The following PEX12 variants were observed in gnomAD, a reference collection of about 807,000 sequenced individuals.
PEX12 encodes the protein peroxisome assembly protein 12.
PEX12 carries 31 observed loss-of-function variants against 32.5 expected under a neutral mutation model. That is an observed-to-expected ratio of 0.95 (90% CI 0.72 to 1.29). The LOEUF (loss-of-function observed/expected upper bound fraction) is 1.29, where lower values mean the gene tolerates loss of function less well. Among genes scored for constraint, PEX12 ranks in the 50% most tolerant of loss-of-function variants. The pLI, the probability that PEX12 is intolerant of heterozygous loss-of-function variation, is 0.00. For missense variants in PEX12, 359 were observed against 419.0 expected (o/e 0.86, Z 1.25); for synonymous variants, 148 against 157.2 (o/e 0.94, Z 0.44).
Position 35,575,841 on chromosome 17 carries a change from T to C in PEX12, c.1021A>G (p.Ile341Val), listed in dbSNP as rs772028045. The change falls in exon 3 of 3, where the codon ATC becomes GTC. Residue 341 changes from isoleucine to valine, a missense_variant. By Grantham distance (29) the Ile-to-Val change is conservative. Coordinates refer to ENST00000225873, the MANE Select transcript of PEX12 (RefSeq NM_000286.3). ...TGTACTTCTGTTGGATAACCTGTGA[T>C]GGGACAAGCTTGGTGACTCCTCACA... ...HYVRSHQACP[I>V]TGYPTEVQHL... The C allele has an allele frequency of 2.5e-6, 4 of 1,614,132 alleles. No individual in the cohort carries two copies. The highest frequency in any genetic ancestry group is 1.1e-5 in the South Asian group (1 of 91,078).
Position 35,578,482 on chromosome 17 carries a change from C to A in PEX12, c.-461G>T. 3.9e-6 allele frequency: 1 copy of A among 257,064 alleles called. No individual in the cohort carries two copies. The highest frequency in any genetic ancestry group is 7.8e-6 in the Non-Finnish European group (1 of 128,248). 15.9% of individuals were successfully genotyped at this position (257,064 alleles called of 1,614,324 possible). A position where few individuals can be genotyped will look rare whatever the true frequency, so the allele number is the denominator to read the frequency against. The stretch of plus-strand genomic sequence containing the variant: ...ACTCCAGCTGTTGGCTTTGAGTATC[C>A]CCGCCCGCGCCCGTCCTTGCTCGCT... On this transcript the variant is annotated 5_prime_UTR_variant, in exon 1 of 3. Coordinates refer to ENST00000225873, the MANE Select transcript of PEX12 (RefSeq NM_000286.3).
chr17:35,577,407 G>GCCAATCTCTGAGACTTGTGAGTGTCCC lies in PEX12; in HGVS notation c.284_310dup (p.Gly95_Leu103dup). ...CTGCTGCTTTGGGAGACCAGCACTA[G>GCCAATCTCTGAGACTTGTGAGTGTCCC]CCAATCTCTGAGACTTGTGAGTGTC... On this transcript the variant is annotated inframe_insertion, in exon 2 of 3. Coordinates refer to ENST00000225873, the MANE Select transcript of PEX12 (RefSeq NM_000286.3). 3 of 1,614,014 alleles carry GCCAATCTCTGAGACTTGTGAGTGTCCC rather than the reference G, an allele frequency of 1.9e-6. No homozygotes were observed.
chr17:35,575,598 T>C lies in PEX12; in HGVS notation c.*184A>G. 1.5e-6 allele frequency: 1 copy of C among 663,198 alleles called. No homozygotes were observed. The allele number at this position is 663,198 out of a possible 1,614,324, so 41.1% of individuals were successfully genotyped here. The stretch of plus-strand genomic sequence containing the variant: ...GCTTGGTCAACTGTAAGTAGGGTTC[T>C]AGAGAGCAGGCTAAAAGGTTAGGAT... On this transcript the variant is annotated 3_prime_UTR_variant, in exon 3 of 3. Coordinates refer to ENST00000225873, the MANE Select transcript of PEX12 (RefSeq NM_000286.3).
chr17:35,576,523 ACT>A (rs2072786507), intron 2 of PEX12, among the ~76,000 whole-genome samples: 1 of 152,056 alleles, frequency 6.6e-6, no homozygotes, highest in Non-Finnish European at 1.5e-5. Context: ...TTAATAAAAA[ACT>A]TAGCAGTATT....
Position 35,576,102 on chromosome 17 carries a change from C to G in PEX12, c.760G>C (p.Gly254Arg), listed in dbSNP as rs768447498. 6.2e-7 allele frequency: 1 copy of G among 1,614,058 alleles called. No homozygotes were observed. The highest frequency in any genetic ancestry group is 8.5e-7 in the Non-Finnish European group (1 of 1,180,012). ...TCAAGGAACTGCAAGAAGAATACACCCACAGAAAGGCCAGTAGACAGGGAT... is the reference window on the plus strand; with the variant it reads ...TCAAGGAACTGCAAGAAGAATACACGCACAGAAAGGCCAGTAGACAGGGAT... ...ALSLSTGLSV[G>R]VFFLQFLDWW... The change falls in exon 3 of 3, where the codon GGT (glycine) becomes CGT (arginine). Residue 254 changes from glycine to arginine, a missense_variant. By Grantham distance (125) the Gly-to-Arg change is moderately radical. Transcript: ENST00000225873.
chr17:35,578,354 C>T lies in PEX12; in HGVS notation c.-333G>A. The T allele has an allele frequency of 2.8e-6, 1 of 358,046 alleles. No individual in the cohort carries two copies. The highest frequency in any genetic ancestry group is 5.5e-6 in the Non-Finnish European group (1 of 183,102). The allele number at this position is 358,046 out of a possible 1,614,324, so 22.2% of individuals were successfully genotyped here. On this transcript the variant is annotated 5_prime_UTR_variant, in exon 1 of 3. Transcript: ENST00000225873. Reference sequence around the variant, plus strand: ...GGGGAAGGAACGCAATCCTCTGGAGCTGCGAACCAGAAACGCCCCCTCCTC... The same window carrying T: ...GGGGAAGGAACGCAATCCTCTGGAGTTGCGAACCAGAAACGCCCCCTCCTC...
In PEX12 at chr17:35,578,316, G is replaced by C. The variant is rs528558631; in HGVS notation, c.-295C>G. The C allele has an allele frequency of 2.6e-6, 1 of 388,104 alleles. No homozygotes were observed. 24.0% of individuals were successfully genotyped at this position (388,104 alleles called of 1,614,324 possible). A position where few individuals can be genotyped will look rare whatever the true frequency, so the allele number is the denominator to read the frequency against. ...CACGTCAGGGCAGAGCGTGACTGTG[G>C]GGGACAGGTATGGGGGAAGGAACGC... On this transcript the variant is annotated 5_prime_UTR_variant, in exon 1 of 3. Transcript: ENST00000225873.
In PEX12 at chr17:35,577,918, G is replaced by C. The variant is rs749431588; in HGVS notation, c.104C>G (p.Pro35Arg). 6.2e-7 allele frequency: 1 copy of C among 1,614,158 alleles called. No individual in the cohort carries two copies. The highest frequency in any genetic ancestry group is 1.1e-5 in the South Asian group (1 of 91,082). ...AQDSLMTAVR[P>R]ALQHVVKVLA... Reference sequence around the variant, plus strand: ...TACCTTGACCACATGCTGAAGAGCGGGTCTCACTGCTGTCATTAAACTGTC... The same window carrying C: ...TACCTTGACCACATGCTGAAGAGCGCGTCTCACTGCTGTCATTAAACTGTC... Residue 35 changes from proline (P) to arginine (R), a missense_variant, in exon 1 of 3, where the codon CCC becomes CGC. Transcript: ENST00000225873.
chr17:35,577,657 C>A, intron 1 of PEX12, 66 bp from the exon 2 acceptor site: 2 of 1,479,650 alleles, frequency 1.4e-6, no homozygotes, highest in Non-Finnish European at 1.9e-6. Context: ...TATTTACATT[C>A]CCCCTTTTCC....
At position 35,577,179 on chromosome 17, in the gene PEX12, C is replaced by T. The variant is rs745420734; in HGVS notation, c.539G>A (p.Arg180Gln). The change falls in exon 2 of 3, where the codon CGA becomes CAA. Residue 180 changes from arginine to glutamine, a missense_variant. By Grantham distance (43) the Arg-to-Gln change is conservative. Transcript: ENST00000225873. ...ATGCTGAGCTTTTCCTAGGATGTAT[C>T]GAAGTTGTTGTACAAGAAACCATCC... ...WEGWFLVQQL[R>Q]YILGKAQHHS... 12 of 1,613,984 alleles carry T rather than the reference C, an allele frequency of 7.4e-6. No homozygotes were observed. The highest frequency in any genetic ancestry group is 9.3e-6 in the Non-Finnish European group (11 of 1,180,012).
Position 35,578,069 on chromosome 17 carries a change from G to T in PEX12, c.-48C>A. On this transcript the variant is annotated 5_prime_UTR_variant, in exon 1 of 3. Coordinates refer to ENST00000225873, the MANE Select transcript of PEX12 (RefSeq NM_000286.3). Reference sequence around the variant, plus strand: ...TCACTTTTCCCACAAACTCTCTCGTGAGCATGAACTTTTTCGGGAGGAAGA... The same window carrying T: ...TCACTTTTCCCACAAACTCTCTCGTTAGCATGAACTTTTTCGGGAGGAAGA... 1 of 1,612,816 alleles carries T rather than the reference G, an allele frequency of 6.2e-7. No individual in the cohort carries two copies. Among genetic ancestry groups the T allele is most frequent in the South Asian group, 1.1e-5 (1 of 90,858 alleles).
In PEX12 at chr17:35,577,147, G is replaced by A; in HGVS notation, c.571C>T (p.Pro191Ser). Reference protein sequence around the residue: ...YILGKAQHHSPLLRLAGVQLG... With the variant: ...YILGKAQHHSSLLRLAGVQLG... ...TGAACTCCAGCCAGCCTCAGCAGTG[G>A]TGAGTGATGCTGAGCTTTTCCTAGG... The change falls in exon 2 of 3, where the codon CCA becomes TCA. Residue 191 changes from proline (P) to serine (S), a missense_variant. Transcript: ENST00000225873. 6.2e-7 allele frequency: 1 copy of A among 1,613,996 alleles called. No homozygotes were observed. Among genetic ancestry groups the A allele is most frequent in the Non-Finnish European group, 8.5e-7 (1 of 1,179,872 alleles).
intron 1 of PEX12, 118 bp downstream of exon 1, chr17:35,577,778 G>C (rs2072795806): frequency 2.8e-6 from 4 of 1,420,826 alleles, no homozygotes; most frequent in Non-Finnish European, 4.0e-6. Context: ...TTAAGTCATG[G>C]GATACAAGTT....
chr17:35,577,511 CAGA>C lies in PEX12; in HGVS notation c.204_206del (p.Leu70del), dbSNP rs61752098. 2 of 1,613,878 alleles carry C rather than the reference CAGA, an allele frequency of 1.2e-6. No individual in the cohort carries two copies. Among genetic ancestry groups the C allele is most frequent in the Non-Finnish European group, 1.7e-6 (2 of 1,180,018 alleles). ...TTCTAGACAGATAATGTTGCTGGAG[CAGA>C]AGATCTAGCAGAGTAAAGATTTCAT... On this transcript the variant is annotated inframe_deletion, in exon 2 of 3. Transcript: ENST00000225873.
chr17:35,578,480 T>A lies in PEX12; in HGVS notation c.-459A>T, dbSNP rs2072801301. 1.6e-5 allele frequency: 4 copies of A among 257,036 alleles called. No individual in the cohort carries two copies. Among genetic ancestry groups the A allele is most frequent in the Middle Eastern group, 3.2e-3 (2 of 630 alleles). 15.9% of individuals were successfully genotyped at this position (257,036 alleles called of 1,614,324 possible). On this transcript the variant is annotated 5_prime_UTR_variant, in exon 1 of 3. Transcript: ENST00000225873. ...TGACTCCAGCTGTTGGCTTTGAGTA[T>A]CCCCGCCCGCGCCCGTCCTTGCTCG...
Position 35,576,168 on chromosome 17 carries a change from T to C in PEX12, c.694A>G (p.Ile232Val). The C allele has an allele frequency of 6.2e-7, 1 of 1,614,028 alleles. No homozygotes were observed. Among genetic ancestry groups the C allele is most frequent in the Non-Finnish European group, 8.5e-7 (1 of 1,179,994 alleles). Reference sequence around the variant, plus strand: ...ACAGCTTTCTTCAGAGCTGAGTTTATCTTCTCACTAACACTGTTGGGAGAA... The same window carrying C: ...ACAGCTTTCTTCAGAGCTGAGTTTACCTTCTCACTAACACTGTTGGGAGAA... The part of the protein sequence containing the change: ...QQPARSVSEK[I>V]NSALKKAVGG... The change falls in exon 3 of 3, where the codon ATA (isoleucine) becomes GTA (valine). Residue 232 changes from isoleucine (I) to valine (V), a missense_variant. Coordinates refer to ENST00000225873, the MANE Select transcript of PEX12 (RefSeq NM_000286.3).
rs779716641 is a variant in PEX12 at position 35,577,245 on chromosome 17, GCT to G, written c.471_472del (p.Arg157SerfsTer60). ...CACAAATGGGTAGGCTGCCAGGAAAGCTCTGTAAAATCGTTTCCAGCGGGAAG... is the reference window on the plus strand; with the variant it reads ...CACAAATGGGTAGGCTGCCAGGAAAGCTGTAAAATCGTTTCCAGCGGGAAG... On this transcript the variant is annotated frameshift_variant, in exon 2 of 3. Transcript: ENST00000225873. LOFTEE classifies it high-confidence loss of function. The G allele has an allele frequency of 1.2e-6, 2 of 1,614,178 alleles. No homozygotes were observed. The highest frequency in any genetic ancestry group is 1.7e-6 in the Non-Finnish European group (2 of 1,180,032).
chr17:35,577,929 T>C lies in PEX12; in HGVS notation c.93A>G (p.Thr31=). 6.2e-7 allele frequency: 1 copy of C among 1,614,226 alleles called. No homozygotes were observed. Among genetic ancestry groups the C allele is most frequent in the Non-Finnish European group, 8.5e-7 (1 of 1,180,028 alleles). The change falls in exon 1 of 3, where the codon ACA becomes ACG. Residue 31 remains threonine (T), a synonymous_variant. Transcript: ENST00000225873. ...FEVVAQDSLM[T]AVRPALQHVV... is the part of the protein sequence containing the mutation. ...CATGCTGAAGAGCGGGTCTCACTGCTGTCATTAAACTGTCCTGTGCTACCA... is the reference window on the plus strand; with the variant it reads ...CATGCTGAAGAGCGGGTCTCACTGCCGTCATTAAACTGTCCTGTGCTACCA...
intron 2 of PEX12, 84 bp from the exon 3 acceptor site, chr17:35,576,265 T>A: frequency 7.5e-7 from 1 of 1,332,094 alleles, no homozygotes; most frequent in Non-Finnish European, 1.1e-6. Context: ...ATGCAATTCT[T>A]ACATTTTTCA....
Sources: allele counts gnomAD v4.1 joint callset (sites outside exome capture counted in the v4.1 genomes callset), GRCh38; gene constraint gnomAD v4.1.1; transcripts MANE v1.5; gene names NCBI Gene and HGNC (gene_info 2026-07-23, HGNC 2026-07-21).